Variants in RXFP1 observed in about 807,000 individuals in gnomAD.
RXFP1 encodes relaxin family peptide receptor 1.
In RXFP1, 73 loss-of-function variants were observed where a neutral mutation model predicts 89.8. That is an observed-to-expected ratio of 0.81 (90% confidence interval 0.67 to 0.99). The LOEUF (loss-of-function observed/expected upper bound fraction) is 0.99, where lower values mean the gene tolerates loss of function less well. Ranked by LOEUF, RXFP1 falls within the 50% of genes least tolerant of loss-of-function variation. RXFP1 has a pLI of 0.00. For synonymous variants in RXFP1, 277 were observed against 305.5 expected, an observed-to-expected ratio of 0.91 and a Z score of 0.97; for missense variants, 793 against 895.5, an observed-to-expected ratio of 0.89 and a Z score of 1.46.
At chr4:158,644,722 A>G (rs1181259887) in intron 14 of RXFP1, among the ~76,000 whole-genome samples, 187 bp from the exon 15 acceptor site, 1 of 152,238 alleles carries the variant, frequency 6.6e-6, no homozygotes, top group Non-Finnish European at 1.5e-5. Context: ...CACATTCTTT[A>G]ACAATGAAAT....
At chr4:158,590,710 C>T (rs143582705) in intron 2 of RXFP1, among the ~76,000 whole-genome samples, 299 of 152,212 alleles carry the variant, frequency 2.0e-3, no homozygotes, top group Non-Finnish European at 3.2e-3. Flanking sequence ...TAAGAAGAAT[C>T]GGAATAGATA....
Position 158,565,680 on chromosome 4 carries a change from A to G in RXFP1, c.50-7018A>G, listed in dbSNP as rs938841084. Among the ~76,000 whole-genome samples the G allele has an allele frequency of 6.6e-5, 10 of 152,232 alleles. 1 individual carries two copies. The East Asian group carries it at 1.9e-3, about 29-fold the overall frequency. On this transcript the variant is annotated intron_variant, in intron 1 of 17. Coordinates refer to ENST00000307765, the MANE Select transcript of RXFP1 (RefSeq NM_021634.4). ...TTTGAGACAACTTGCACATCAGAAT[A>G]CATAATAATAATCAACAGATTGTAA...
rs970999299 is a variant in RXFP1, at chr4:158,647,300, G to A, written c.1756+99G>A. The A allele has an allele frequency of 3.5e-5, 35 of 988,572 alleles. No individual in the cohort carries two copies. The African/African-American group carries it at 5.2e-4, about 15-fold the overall frequency. The allele number at this position is 988,572 out of a possible 1,614,324, so 61.2% of individuals were successfully genotyped here. ...AGGGTGAATTCTATCAGAATCCCCA[G>A]CAAGGATTTTCCTCCCCAAATTATA... On this transcript the variant is annotated intron_variant, in intron 16 of 17. Transcript: ENST00000307765.
At chr4:158,548,081 G>A (rs1254760216) in intron 1 of RXFP1, among the ~76,000 whole-genome samples, 1 of 152,172 alleles carries the variant, frequency 6.6e-6, no homozygotes, top group Non-Finnish European at 1.5e-5. Context: ...TTATGTGGGA[G>A]CCTAAGTCTC....
At chr4:158,548,264 G>T (rs531104603) in intron 1 of RXFP1, among the ~76,000 whole-genome samples, 44 of 152,144 alleles carry the variant, frequency 2.9e-4, no homozygotes, top group Non-Finnish European at 3.5e-4. Flanking sequence ...CAGAGACTAG[G>T]ATTGCAACCC....
intron 3 of RXFP1, chr4:158,599,104 A>C (rs1205835149): frequency 2.3e-5 from 13 of 563,282 alleles, no homozygotes; most frequent in Non-Finnish European, 3.7e-5. Context: ...TACATGAGCT[A>C]GTGTGTGTTT....
At chr4:158,648,011 T>G (rs1466746021) in intron 16 of RXFP1, among the ~76,000 whole-genome samples, 1 of 35,020 alleles carries the variant, frequency 2.9e-5, no homozygotes, top group African/African-American at 5.0e-5. Context: ...CGAGACTCCA[T>G]CTCAAAAAAA....
chr4:158,612,612 C>CTTTT (rs1158067958), intron 8 of RXFP1, among the ~76,000 whole-genome samples: 1 of 140,292 alleles, frequency 7.1e-6, no homozygotes, highest in Non-Finnish European at 1.6e-5. Context: ...TCACAATATT[C>CTTTT]TTTTTTTTTT....
At chr4:158,579,506 C>T (rs1200008534) in intron 2 of RXFP1, among the ~76,000 whole-genome samples, 4 of 152,242 alleles carry the variant, frequency 2.6e-5, no homozygotes, top group East Asian at 1.9e-4. Flanking sequence ...CCTCGTGATC[C>T]GCCCACCTCG....
At chr4:158,647,313 TC>T in intron 16 of RXFP1, 112 bp downstream of exon 16, 1 of 846,776 alleles carries the variant, frequency 1.2e-6, no homozygotes, top group Non-Finnish European at 1.8e-6. Context: ...AGGATTTTCC[TC>T]CCCAAATTAT....
intron 9 of RXFP1, among the ~76,000 whole-genome samples, chr4:158,623,702 T>C (rs1010070504): frequency 6.6e-6 from 1 of 152,126 alleles, no homozygotes; most frequent in Non-Finnish European, 1.5e-5. Flanking sequence ...ATTCCCACAC[T>C]TCTCTGCATT....
At chr4:158,597,820 A>G (rs1009537757) in intron 3 of RXFP1, among the ~76,000 whole-genome samples, 8 of 152,160 alleles carry the variant, frequency 5.3e-5, no homozygotes, top group Non-Finnish European at 7.3e-5. Flanking sequence ...CCATCCCCAC[A>G]GCATACACAC....
intron 12 of RXFP1, among the ~76,000 whole-genome samples, chr4:158,634,868 C>G (rs1165026025): frequency 6.6e-6 from 1 of 152,166 alleles, no homozygotes; most frequent in Non-Finnish European, 1.5e-5. Flanking sequence ...CCTGAGCTCT[C>G]TATTCTATTC....
chr4:158,613,715 T>A (rs1462635581), intron 8 of RXFP1, among the ~76,000 whole-genome samples: 1 of 152,226 alleles, frequency 6.6e-6, no homozygotes, highest in Non-Finnish European at 1.5e-5. Flanking sequence ...CCCATGAGGG[T>A]TGGAGTCAAC....
At chr4:158,547,175 T>TG (rs547351006) in intron 1 of RXFP1, among the ~76,000 whole-genome samples, 316 of 152,232 alleles carry the variant, frequency 2.1e-3, no homozygotes, top group African/African-American at 6.6e-3. Context: ...GGTTTAGTCT[T>TG]GGGGGGGTGT....
chr4:158,556,594 G>C (rs1751362480), intron 1 of RXFP1, among the ~76,000 whole-genome samples: 1 of 152,124 alleles, frequency 6.6e-6, no homozygotes, highest in Admixed American at 6.6e-5. Flanking sequence ...TCAGTATGTT[G>C]AAGAGATATC....
In RXFP1 at chr4:158,633,450, C is replaced by G; in HGVS notation, c.945C>G (p.Phe315Leu). 3 of 1,603,150 alleles carry G rather than the reference C, an allele frequency of 1.9e-6. No homozygotes were observed. Among genetic ancestry groups the G allele is most frequent in the Non-Finnish European group, 2.6e-6 (3 of 1,172,428 alleles). The change falls in exon 12 of 18, where the codon TTC (phenylalanine) becomes TTG (leucine). Residue 315 changes from phenylalanine to leucine, a missense_variant. Transcript: ENST00000307765. ...NKIENLPPLIFKDLKELSQLN... is the reference protein window; with the variant it reads ...NKIENLPPLILKDLKELSQLN... ...TTGAAAATCTTCCACCGCTTATATT[C>G]AAGGACCTGAAGGAGCTGTCACAAT...
intron 8 of RXFP1, among the ~76,000 whole-genome samples, chr4:158,612,786 T>C (rs921274657): frequency 6.6e-6 from 1 of 152,116 alleles, no homozygotes; most frequent in Non-Finnish European, 1.5e-5. Flanking sequence ...AACTTTTGTA[T>C]TTTGAGTAGA....
intron 14 of RXFP1, among the ~76,000 whole-genome samples, chr4:158,641,094 A>T (rs188183823): frequency 1.5e-3 from 227 of 152,354 alleles, no homozygotes; most frequent in Non-Finnish European, 1.7e-3. Flanking sequence ...TTTAAGTCTA[A>T]CACAGAACCC....
Sources: gnomAD v4.1 joint callset for allele counts (sites outside exome capture counted in the v4.1 genomes callset) on GRCh38, gnomAD v4.1.1 for gene constraint, MANE v1.5 for transcripts, NCBI Gene and HGNC (gene_info 2026-07-23, HGNC 2026-07-21) for gene names.